The following RAVER2 variants were observed in gnomAD, a reference collection of about 807,000 sequenced individuals.
RAVER2 encodes the protein ribonucleoprotein PTB-binding 2.
A neutral mutation model predicts 78.1 loss-of-function variants in RAVER2; 46 were observed. That is an observed-to-expected ratio of 0.59 (90% CI 0.46 to 0.75). The LOEUF is 0.75. Among genes scored for constraint, RAVER2 ranks in the 30% least tolerant of loss-of-function variants. The pLI is 0.00. For synonymous variants in RAVER2, 311 were observed against 313.3 expected (o/e 0.99, Z 0.08); for missense variants, 793 against 837.5 (o/e 0.95, Z 0.66).
intron 11 of RAVER2, among the ~76,000 whole-genome samples, chr1:64,821,673 C>G (rs146432225): frequency 1.3e-5 from 2 of 152,296 alleles, no homozygotes; most frequent in South Asian, 4.1e-4. Flanking sequence ...GGGGTAAAGA[C>G]TCCCTATTCG....
intron 11 of RAVER2, among the ~76,000 whole-genome samples, chr1:64,824,014 C>G (rs1653947709): frequency 6.6e-6 from 1 of 152,068 alleles, no homozygotes; most frequent in Non-Finnish European, 1.5e-5. Context: ...ACCACATTGA[C>G]CAGGCTGGTC....
chr1:64,805,969 A>G (rs1653406833), intron 8 of RAVER2, among the ~76,000 whole-genome samples: 2 of 152,206 alleles, frequency 1.3e-5, no homozygotes, highest in Non-Finnish European at 2.9e-5. Context: ...TTGCTTTAGT[A>G]TATGCCGCTT....
chr1:64,798,896 T>C (rs1234411858), intron 5 of RAVER2, among the ~76,000 whole-genome samples: 2 of 152,192 alleles, frequency 1.3e-5, no homozygotes, highest in Admixed American at 1.3e-4. Context: ...GTAATTAGCA[T>C]ATTAACCACC....
chr1:64,768,480 T>C (rs1267181464), intron 1 of RAVER2, among the ~76,000 whole-genome samples, 176 bp from the exon 2 acceptor site: 2 of 152,002 alleles, frequency 1.3e-5, no homozygotes, highest in Non-Finnish European at 2.9e-5. Flanking sequence ...GTAGGATGTC[T>C]GGGGAATCTG....
At chr1:64,799,651 G>GCTGATCTCGAGCTCTGGCCAA in intron 5 of RAVER2, among the ~76,000 whole-genome samples, 1 of 152,154 alleles carries the variant, frequency 6.6e-6, no homozygotes, top group African/African-American at 2.4e-5. Context: ...ATGTTGGCCA[G>GCTGATCTCGAGCTCTGGCCAA]GCTGATCTCG....
intron 5 of RAVER2, among the ~76,000 whole-genome samples, chr1:64,792,728 A>G (rs751174279): frequency 6.6e-6 from 1 of 152,222 alleles, no homozygotes; most frequent in Non-Finnish European, 1.5e-5. Flanking sequence ...GAGCACATAC[A>G]TAGCTGGAAA....
Position 64,751,881 on chromosome 1 carries a change from TA to T in RAVER2, c.249+6463del, listed in dbSNP as rs1651708181. 2.0e-5 allele frequency among the ~76,000 whole-genome samples: 3 copies of T among 152,362 alleles called. No homozygotes were observed. The South Asian group carries it at 6.2e-4, about 32-fold the overall frequency. ...GTAAATAAAATTATTTATATATTTT[TA>T]AATCCTAAAATTGCTTATCATGTGT... On this transcript the variant is annotated intron_variant, in intron 1 of 11. Coordinates refer to ENST00000294428, the Ensembl canonical transcript of RAVER2.
intron 1 of RAVER2, among the ~76,000 whole-genome samples, chr1:64,767,575 A>G (rs557094214): frequency 6.6e-6 from 1 of 152,182 alleles, no homozygotes; most frequent in African/African-American, 2.4e-5. Flanking sequence ...TATATTTAGC[A>G]TATTCATTTG....
intron 1 of RAVER2, among the ~76,000 whole-genome samples, chr1:64,746,909 T>C (rs1395047812): frequency 6.6e-6 from 1 of 152,234 alleles, no homozygotes; most frequent in African/African-American, 2.4e-5. Flanking sequence ...AGCAGCTCTT[T>C]GTATAGACAG....
At chr1:64,814,184 TC>T (rs1653699228) in intron 10 of RAVER2, among the ~76,000 whole-genome samples, 1 of 152,170 alleles carries the variant, frequency 6.6e-6, no homozygotes, top group Non-Finnish European at 1.5e-5. Flanking sequence ...AACCTCCACT[TC>T]CTGGGTTCAA....
intron 1 of RAVER2, among the ~76,000 whole-genome samples, chr1:64,749,416 G>A (rs1475867725): frequency 6.6e-6 from 1 of 152,064 alleles, no homozygotes; most frequent in Non-Finnish European, 1.5e-5. Flanking sequence ...TCACCATGTT[G>A]GCCAGGCTGC....
At chr1:64,754,037 A>C (rs749865865) in intron 1 of RAVER2, among the ~76,000 whole-genome samples, 7 of 152,096 alleles carry the variant, frequency 4.6e-5, no homozygotes, top group Non-Finnish European at 4.4e-5. Flanking sequence ...TTTCCTCTGG[A>C]TGTCTATAAT....
At chr1:64,756,087 T>C (rs1008128668) in intron 1 of RAVER2, among the ~76,000 whole-genome samples, 1 of 152,182 alleles carries the variant, frequency 6.6e-6, no homozygotes, top group Admixed American at 6.5e-5. Context: ...AGATCATATA[T>C]TGCACTTTTT....
chr1:64,827,355 A>G (rs892623152), intron 11 of RAVER2, among the ~76,000 whole-genome samples: 1 of 152,168 alleles, frequency 6.6e-6, no homozygotes, highest in African/African-American at 2.4e-5. Flanking sequence ...GTGGGGATAT[A>G]GTAGGATTGC....
chr1:64,809,489 AAAATAAATAAATAAAT>A (rs10691863), intron 9 of RAVER2, among the ~76,000 whole-genome samples: 1 of 147,358 alleles, frequency 6.8e-6, no homozygotes, highest in African/African-American at 2.5e-5. Context: ...CTCTAGTGCA[AAAATAAATAAATAAAT>A]AAATAAATAA....
At chr1:64,751,977 A>AG (rs1164837526) in intron 1 of RAVER2, among the ~76,000 whole-genome samples, 2 of 152,146 alleles carry the variant, frequency 1.3e-5, no homozygotes, top group Non-Finnish European at 2.9e-5. Flanking sequence ...ATGAACTGAG[A>AG]GGGGTAATAA....
intron 4 of RAVER2, among the ~76,000 whole-genome samples, chr1:64,787,285 A>G (rs1330371274): frequency 6.6e-6 from 1 of 152,108 alleles, no homozygotes; most frequent in Non-Finnish European, 1.5e-5. Context: ...GTATGAATAT[A>G]CATTTCCTGT....
intron 5 of RAVER2, among the ~76,000 whole-genome samples, chr1:64,802,733 G>A (rs1388254792): frequency 1.3e-5 from 2 of 152,150 alleles, no homozygotes; most frequent in South Asian, 2.1e-4. Flanking sequence ...AGAAAATTAA[G>A]CCTAGGTTTG....
chr1:64,799,447 A>G (rs1299169766), intron 5 of RAVER2, among the ~76,000 whole-genome samples: 1 of 151,618 alleles, frequency 6.6e-6, no homozygotes, highest in Non-Finnish European at 1.5e-5. Context: ...TTTTGTTGTT[A>G]TTTGTTTGTT....
Sources: gnomAD v4.1 joint callset for allele counts (sites outside exome capture counted in the v4.1 genomes callset) on GRCh38, gnomAD v4.1.1 for gene constraint, MANE v1.5 for transcripts, NCBI Gene and HGNC (gene_info 2026-07-23, HGNC 2026-07-21) for gene names.